PLAGL1: variants seen among roughly 807,000 people sequenced by gnomAD.
PLAGL1 encodes PLAG1 like zinc finger 1, also known as zinc finger protein PLAGL1.
Under a neutral mutation model 4.6 loss-of-function variants are expected in PLAGL1, and 1 was observed. The ratio of observed to expected loss-of-function variants is 0.22; its 90% CI spans 0.08 to 1.03. The LOEUF (loss-of-function observed/expected upper bound fraction) is 1.03, where lower values mean the gene tolerates loss of function less well. Among genes scored for constraint, PLAGL1 ranks in the 50% least tolerant of loss-of-function variants. The pLI is 0.58. For synonymous variants in PLAGL1, 240 were observed against 237.8 expected (o/e 1.01, Z -0.08); for missense variants, 464 against 570.4 (o/e 0.81, Z 1.90).
chr6:143,992,909 T>TGGAG (rs1790781830), intron 1 of PLAGL1, among the ~76,000 whole-genome samples: 1 of 144,930 alleles, frequency 6.9e-6, no homozygotes, highest in Non-Finnish European at 1.5e-5. Flanking sequence ...ACCTGGGAGG[T>TGGAG]GGAGGTTGCA....
chr6:144,030,281 A>AAAAAAAAAAAAG lies in PLAGL1; in HGVS notation c.-151+34186_-151+34187insCTTTTTTTTTTT, dbSNP rs1296064916. Among the ~76,000 whole-genome samples the AAAAAAAAAAAAG allele has an allele frequency of 1.1e-3, 149 of 132,954 alleles. 14 individuals are homozygous for AAAAAAAAAAAAG. Among genetic ancestry groups the AAAAAAAAAAAAG allele is most frequent in the East Asian group, 4.3e-3 (18 of 4,216 alleles). 87.2% of individuals were successfully genotyped at this position (132,954 alleles called of 152,430 possible). On this transcript the variant is annotated intron_variant, in intron 1 of 3. Coordinates refer to the PLAGL1 transcript ENST00000437412. ...AAAAAAAAAAAAAAAAAAAAAAAAA[A>AAAAAAAAAAAAG]AAGAAGATGTAAATTTTAATACAAT...
intron 2 of PLAGL1, among the ~76,000 whole-genome samples, chr6:143,980,887 GC>G (rs1292559191): frequency 6.6e-6 from 1 of 152,170 alleles, no homozygotes; most frequent in Middle Eastern, 3.2e-3. Flanking sequence ...CCAAGTGTCT[GC>G]AAACTAGGCC....
At position 143,941,376 on chromosome 6, in the gene PLAGL1, C is replaced by T; in HGVS notation, c.*48G>A. On this transcript the variant is annotated 3_prime_UTR_variant, in exon 8 of 8. Transcript: ENST00000674357. The surrounding 1 kb of genome is among the most constrained non-coding windows in gnomAD (Gnocchi z 6.0). ...CATATTGTAACTGACATTTAAAATG[C>T]TTCTTAAAACATCTTCCAGAATACG... is the stretch of plus-strand genomic sequence containing the variant. 7.1e-7 allele frequency: 1 copy of T among 1,402,682 alleles called. No homozygotes were observed. The highest frequency in any genetic ancestry group is 9.6e-7 in the Non-Finnish European group (1 of 1,044,706). The allele number at this position is 1,402,682 out of a possible 1,614,324, so 86.9% of individuals were successfully genotyped here. A position where few individuals can be genotyped will look rare whatever the true frequency, so the allele number is the denominator to read the frequency against.
At position 143,940,958 on chromosome 6, in the gene PLAGL1, A is replaced by T. The variant is rs1481299521; in HGVS notation, c.*466T>A. ...TACATCCAACCCTGAAGGTAGAAAAATCCCTGAAAAGAAATACACAGCCTA... is the reference window on the plus strand; with the variant it reads ...TACATCCAACCCTGAAGGTAGAAAATTCCCTGAAAAGAAATACACAGCCTA... On this transcript the variant is annotated 3_prime_UTR_variant, in exon 8 of 8. Coordinates refer to ENST00000674357, the MANE Select transcript of PLAGL1 (RefSeq NM_001317162.2). 1 of 152,802 alleles carries T rather than the reference A, an allele frequency of 6.5e-6. No homozygotes were observed. The highest frequency in any genetic ancestry group is 1.5e-5 in the Non-Finnish European group (1 of 68,176). 9.5% of individuals were successfully genotyped at this position (152,802 alleles called of 1,614,324 possible).
intron 1 of PLAGL1, among the ~76,000 whole-genome samples, chr6:144,014,836 TC>T (rs1795462162): frequency 6.6e-6 from 1 of 152,106 alleles, no homozygotes; most frequent in African/African-American, 2.4e-5. Context: ...CACCTCGGCC[TC>T]CCAAGGTGCT....
rs150029151 is a variant in PLAGL1 at position 144,025,056 on chromosome 6, G to A, written c.-151+39412C>T. On this transcript the variant is annotated intron_variant, in intron 1 of 3. Transcript: ENST00000437412. ...AAGTGTACATTATAGAGGGGGGAGG[G>A]GTGACTTTGCCATGGAGAAACCAGA... is the stretch of plus-strand genomic sequence containing the variant. Among the ~76,000 whole-genome samples the A allele has an allele frequency of 2.4e-3, 362 of 152,176 alleles. 1 individual carries two copies. Among genetic ancestry groups the A allele is most frequent in the Non-Finnish European group, 4.1e-3 (282 of 68,004 alleles).
At chr6:144,021,941 A>G (rs377644834) in intron 1 of PLAGL1, among the ~76,000 whole-genome samples, 48 of 152,320 alleles carry the variant, frequency 3.2e-4, no homozygotes, top group African/African-American at 1.1e-3. Context: ...TTCCTATTTT[A>G]TAGATGAGGC....
rs897079320 is a variant in PLAGL1 at position 144,015,103 on chromosome 6, G to T, written c.-150-46125C>A. ...ATACAGTACCCATAAGCCATGTATGGCTATGACGTAGCTAGTTCAAACTGA... is the reference window on the plus strand; with the variant it reads ...ATACAGTACCCATAAGCCATGTATGTCTATGACGTAGCTAGTTCAAACTGA... On this transcript the variant is annotated intron_variant, in intron 1 of 3. Transcript: ENST00000437412. This position sits in a 1 kb window ranked among gnomAD's most constrained non-coding sequence, Gnocchi z 4.3. Among the ~76,000 whole-genome samples the T allele has an allele frequency of 6.6e-6, 1 of 152,184 alleles. No homozygotes were observed. The highest frequency in any genetic ancestry group is 1.9e-4 in the East Asian group (1 of 5,202).
rs1788269308 is a variant in PLAGL1, at chr6:143,982,883, G to A, written c.-544+2252C>T. ...GCTCAGGTGCAGACATGTTAGGTTTGATATGCCTATTAGACATCCAGCAAT... is the reference window on the plus strand; with the variant it reads ...GCTCAGGTGCAGACATGTTAGGTTTAATATGCCTATTAGACATCCAGCAAT... On this transcript the variant is annotated intron_variant, in intron 2 of 7. Transcript: ENST00000674357. The surrounding 1 kb of genome is among the most constrained non-coding windows in gnomAD (Gnocchi z 5.3). Among the ~76,000 whole-genome samples, 1 of 152,200 alleles carries A rather than the reference G, an allele frequency of 6.6e-6. No individual in the cohort carries two copies. Among genetic ancestry groups the A allele is most frequent in the African/African-American group, 2.4e-5 (1 of 41,448 alleles).
At position 143,958,829 on chromosome 6, in the gene PLAGL1, A is replaced by G. The variant is rs1038916959; in HGVS notation, c.-325+1640T>C. On this transcript the variant is annotated intron_variant, in intron 6 of 7. Transcript: ENST00000674357. The surrounding 1 kb of genome is among the most constrained non-coding windows in gnomAD (Gnocchi z 5.1). ...ACAACACTGGCTTTTCTGAAAGGGG[A>G]AAGGAATGTTAAGGAAATGGGGGAG... Among the ~76,000 whole-genome samples, 1 of 152,212 alleles carries G rather than the reference A, an allele frequency of 6.6e-6. No homozygotes were observed. The highest frequency in any genetic ancestry group is 2.4e-5 in the African/African-American group (1 of 41,448).
intron 1 of PLAGL1, among the ~76,000 whole-genome samples, chr6:144,062,115 T>A (rs1156290796): frequency 6.6e-6 from 1 of 152,192 alleles, no homozygotes; most frequent in East Asian, 1.9e-4. Context: ...CGGTGGCTCA[T>A]GCCTATAATC....
At chr6:143,969,597 C>T (rs1014094088) in intron 2 of PLAGL1, among the ~76,000 whole-genome samples, 2 of 149,612 alleles carry the variant, frequency 1.3e-5, no homozygotes, top group Admixed American at 1.3e-4. Context: ...CCAGCCTGGG[C>T]AACATAGCAG....
intron 1 of PLAGL1, among the ~76,000 whole-genome samples, chr6:144,030,254 CAAAAAAAAAAA>C (rs66563676): frequency 2.2e-4 from 10 of 44,558 alleles, no homozygotes; most frequent in South Asian, 2.6e-3. Context: ...GACTCCGTCT[CAAAAAAAAAAA>C]AAAAAAAAAA....
chr6:144,021,404 C>T (rs1795969910), intron 1 of PLAGL1, among the ~76,000 whole-genome samples: 1 of 152,212 alleles, frequency 6.6e-6, no homozygotes. Flanking sequence ...AGGTATTGTA[C>T]ACTTTGTGAA....
In PLAGL1 at chr6:143,960,523, G is replaced by T. The variant is rs1168818577; in HGVS notation, c.-379C>A. On this transcript the variant is annotated 5_prime_UTR_variant, in exon 6 of 8. Coordinates refer to ENST00000674357, the MANE Select transcript of PLAGL1 (RefSeq NM_001317162.2). This position sits in a 1 kb window ranked among gnomAD's most constrained non-coding sequence, Gnocchi z 5.7. ...AGGCAGGGACCGAGTCCTCCCAGAA[G>T]TTTGTCTGAAGATTCAAACCTGTGA... 1.3e-5 allele frequency: 2 copies of T among 152,198 alleles called. No individual in the cohort carries two copies. The allele number at this position is 152,198 out of a possible 1,614,324, so 9.4% of individuals were successfully genotyped here.
intron 1 of PLAGL1, among the ~76,000 whole-genome samples, chr6:144,047,154 G>C (rs931081095): frequency 6.6e-6 from 1 of 152,248 alleles, no homozygotes; most frequent in East Asian, 1.9e-4. Flanking sequence ...TGCACTTCCC[G>C]GGTGAGGCAA....
chr6:144,018,999 AC>A (rs1340095735), intron 1 of PLAGL1, among the ~76,000 whole-genome samples: 3 of 152,042 alleles, frequency 2.0e-5, no homozygotes, highest in Non-Finnish European at 4.4e-5. Context: ...GCACCACTAT[AC>A]TCCAGCCTGG....
At chr6:144,042,194 T>A (rs1206004583) in intron 1 of PLAGL1, among the ~76,000 whole-genome samples, 1 of 152,220 alleles carries the variant, frequency 6.6e-6, no homozygotes, top group Admixed American at 6.5e-5. Flanking sequence ...ATCCCATTTG[T>A]CTATTTTGGC....
rs1253079685 is a variant in PLAGL1 at position 143,948,761 on chromosome 6, G to GAAA, written c.-324-304_-324-302dup. ...AGTGTGAAGCTCCATTGACCAAAGA[G>GAAA]AAAAACAACAACAACAACAACAACA... On this transcript the variant is annotated intron_variant, in intron 6 of 7. Coordinates refer to ENST00000674357, the MANE Select transcript of PLAGL1 (RefSeq NM_001317162.2). This position sits in a 1 kb window ranked among gnomAD's most constrained non-coding sequence, Gnocchi z 6.0. Among the ~76,000 whole-genome samples, 292 of 79,568 alleles carry GAAA rather than the reference G, an allele frequency of 3.7e-3. No homozygotes were observed. Among genetic ancestry groups the GAAA allele is most frequent in the African/African-American group, 0.016 (283 of 17,782 alleles). 52.2% of individuals were successfully genotyped at this position (79,568 alleles called of 152,430 possible).
Sources: allele counts gnomAD v4.1 joint callset (sites outside exome capture counted in the v4.1 genomes callset), GRCh38; gene constraint gnomAD v4.1.1; non-coding constraint Gnocchi (gnomAD v3.1); transcripts MANE v1.5; gene names NCBI Gene and HGNC (gene_info 2026-07-23, HGNC 2026-07-21).